The following CARMIL2 variants were observed in gnomAD, a reference collection of about 807,000 sequenced individuals.
The protein encoded by CARMIL2 is capping protein, Arp2/3 and myosin-I linker protein 2.
Under a neutral mutation model 173.3 loss-of-function variants are expected in CARMIL2, and 96 were observed. The observed-to-expected ratio is 0.55, with a 90% CI of 0.47 to 0.66. CARMIL2 has a LOEUF of 0.66. Among genes scored for constraint, CARMIL2 ranks in the 30% least tolerant of loss-of-function variants. CARMIL2 has a pLI of 0.00. For synonymous variants in CARMIL2, 830 were observed against 817.1 expected (o/e 1.02, Z -0.27); for missense variants, 1,771 against 1,906.7 (o/e 0.93, Z 1.33).
chr16:67,651,759 G>A lies in CARMIL2; in HGVS notation c.2502G>A (p.Glu834=). Residue 834 remains glutamate, a synonymous_variant, in exon 25 of 38, where the codon GAG becomes GAA. Coordinates refer to ENST00000334583, the MANE Select transcript of CARMIL2 (RefSeq NM_001013838.3). The surrounding 1 kb of genome is among the most constrained non-coding windows in gnomAD (Gnocchi z 4.2). ...PQMLQGSSWR[E]QLEGVLAGSR... ...TGCTGCAGGGATCCAGCTGGAGGGA[G>A]CAGCTAGAGGGGGTCCTGGCAGGCT... 1.2e-6 allele frequency: 2 copies of A among 1,606,362 alleles called. No homozygotes were observed. Among genetic ancestry groups the A allele is most frequent in the Middle Eastern group, 3.3e-4 (2 of 6,030 alleles).
At chr16:67,654,092 G>GGGA in intron 29 of CARMIL2, 57 bp from the exon 30 acceptor site, 1 of 1,091,944 alleles carries the variant, frequency 9.2e-7, no homozygotes, top group South Asian at 1.6e-5. Flanking sequence ...GGGGGGGGGG[G>GGGA]GGGTAGAAGC....
In CARMIL2 at chr16:67,656,532, A is replaced by G; in HGVS notation, c.3923A>G (p.Gln1308Arg). Residue 1308 changes from glutamine to arginine, a missense_variant, in exon 35 of 38, where the codon CAG (glutamine) becomes CGG (arginine). Physicochemically the swap from Gln to Arg is conservative, Grantham distance 43. This residue lies in a region of CARMIL2 where 817 missense variants were observed against 903.5 expected (regional missense o/e 0.90). Coordinates refer to ENST00000334583, the MANE Select transcript of CARMIL2 (RefSeq NM_001013838.3). ...AELRSRGWGQ[Q>R]DGPGPPSPGQ... The stretch of plus-strand genomic sequence containing the variant: ...CTCAGGAGCCGTGGTTGGGGCCAAC[A>G]GGATGGTCCAGGCCCTCCCTCCCCT... The G allele has an allele frequency of 6.2e-7, 1 of 1,613,540 alleles. No homozygotes were observed. Among genetic ancestry groups the G allele is most frequent in the East Asian group, 2.2e-5 (1 of 44,884 alleles).
rs2052605264 is a variant in CARMIL2 at position 67,646,943 on chromosome 16, G to C, written c.581G>C (p.Ser194Thr). Reference protein sequence around the residue: ...IYHRQGCRHFSLGDFSHLGSR... With the variant: ...IYHRQGCRHFTLGDFSHLGSR... ...CATCGCCAGGGCTGCCGCCATTTCA[G>C]CCTGGGAGACTTCAGCCACCTCGGC... is the stretch of plus-strand genomic sequence containing the variant. Residue 194 changes from serine to threonine, a missense_variant, in exon 8 of 38, where the codon AGC (serine) becomes ACC (threonine). Ser to Thr is a moderately conservative substitution (Grantham distance 58). Around this residue, in one of 3 missense-constraint regions of CARMIL2, gnomAD observed 944 missense variants for 975.6 expected, o/e 0.97. Transcript: ENST00000334583. This position sits in a 1 kb window ranked among gnomAD's most constrained non-coding sequence, Gnocchi z 4.6. 2 of 1,613,614 alleles carry C rather than the reference G, an allele frequency of 1.2e-6. No individual in the cohort carries two copies. The highest frequency in any genetic ancestry group is 1.3e-5 in the African/African-American group (1 of 74,954).
rs1330389345 is a variant in CARMIL2 at position 67,645,228 on chromosome 16, TC to T, written c.-15del. 3 of 1,573,712 alleles carry T rather than the reference TC, an allele frequency of 1.9e-6. No homozygotes were observed. Among genetic ancestry groups the T allele is most frequent in the Admixed American group, 3.6e-5 (2 of 55,082 alleles). ...GTTTCCCGCCGGAGCTCGTTGGGCC[TC>T]CCCGGCCCGCCCGGCCCATGGCCCA... On this transcript the variant is annotated 5_prime_UTR_variant, in exon 1 of 38. Transcript: ENST00000334583.
At position 67,648,703 on chromosome 16, in the gene CARMIL2, C is replaced by T. The variant is rs771671329; in HGVS notation, c.1458C>T (p.Leu486=). ...PDALRALLDG[L]ALNTHLRDLH... is the part of the protein sequence containing the mutation. ...CTCCCAGAGCCCTTTTGGATGGCCT[C>T]GCGCTCAACACGCACCTCCGCGACC... Residue 486 remains leucine (L), a synonymous_variant, in exon 16 of 38, where the codon CTC becomes CTT. Coordinates refer to ENST00000334583, the MANE Select transcript of CARMIL2 (RefSeq NM_001013838.3). This position sits in a 1 kb window ranked among gnomAD's most constrained non-coding sequence, Gnocchi z 6.1. The T allele has an allele frequency of 3.1e-6, 5 of 1,606,590 alleles. No individual in the cohort carries two copies. Among genetic ancestry groups the T allele is most frequent in the Non-Finnish European group, 2.5e-6 (3 of 1,176,984 alleles).
In CARMIL2 at chr16:67,647,672, C is replaced by T. The variant is rs754935364; in HGVS notation, c.872-8C>T. The T allele has an allele frequency of 3.8e-5, 61 of 1,600,004 alleles. No individual in the cohort carries two copies. Among genetic ancestry groups the T allele is most frequent in the African/African-American group, 8.0e-5 (6 of 74,638 alleles). ...GTGAGACCCACGTGGCTGTTCCCAC[C>T]CCCCAAGGCATGACTGCACTCAGCA... On this transcript the variant is annotated splice_region_variant and splice_polypyrimidine_tract_variant and intron_variant, in intron 11 of 37. Coordinates refer to ENST00000334583, the MANE Select transcript of CARMIL2 (RefSeq NM_001013838.3).
Position 67,647,863 on chromosome 16 carries a change from C to G in CARMIL2, c.976C>G (p.Arg326Gly), listed in dbSNP as rs1389381100. The G allele has an allele frequency of 1.9e-6, 3 of 1,609,774 alleles. No individual in the cohort carries two copies. The highest frequency in any genetic ancestry group is 4.5e-5 in the East Asian group (2 of 44,838). Residue 326 changes from arginine to glycine, a missense_variant, in exon 13 of 38, where the codon CGG becomes GGG. Arg to Gly is a moderately radical substitution (Grantham distance 125). Around this residue, in one of 3 missense-constraint regions of CARMIL2, gnomAD observed 944 missense variants for 975.6 expected, o/e 0.97. Coordinates refer to ENST00000334583, the MANE Select transcript of CARMIL2 (RefSeq NM_001013838.3). The stretch of plus-strand genomic sequence containing the variant: ...ACCACCAGGAATGAGGGCTCTGGGC[C>G]GGGCACTGGCCACCAATGCCGCCTT... Reference protein sequence around the residue: ...LTPRGMRALGRALATNAAFDS... With the variant: ...LTPRGMRALGGALATNAAFDS...
chr16:67,645,607 G>C lies in CARMIL2; in HGVS notation c.108G>C (p.Glu36Asp), dbSNP rs1241863699. Residue 36 changes from glutamate to aspartate, a missense_variant, in exon 2 of 38, where the codon GAG (glutamate) becomes GAC (aspartate). By Grantham distance (45) the Glu-to-Asp change is conservative. Coordinates refer to ENST00000334583, the MANE Select transcript of CARMIL2 (RefSeq NM_001013838.3). ...TGCTGAAAACCTGGCTACCCGGGGA[G>C]GGTGCTGTGCAAAACCATGTCCTGG... ...ELLLKTWLPG[E>D]GAVQNHVLAL... 3.1e-6 allele frequency: 5 copies of C among 1,613,460 alleles called. No individual in the cohort carries two copies. Among genetic ancestry groups the C allele is most frequent in the Non-Finnish European group, 4.2e-6 (5 of 1,179,838 alleles).
chr16:67,656,688 G>T, intron 35 of CARMIL2, 43 bp downstream of exon 35: 1 of 1,575,032 alleles, frequency 6.3e-7, no homozygotes, highest in Admixed American at 1.8e-5. Context: ...TGGCCTCGGG[G>T]CTGGAGGAGT....
chr16:67,655,714 T>C (rs908735454), intron 32 of CARMIL2, among the ~76,000 whole-genome samples: 1 of 152,188 alleles, frequency 6.6e-6, no homozygotes, highest in African/African-American at 2.4e-5. Flanking sequence ...GTGCCCATGG[T>C]TCTTCCCTGA....
Position 67,651,207 on chromosome 16 carries a change from GTCGGTGCAGGAGCATGTGGAGC to G in CARMIL2, c.2207_2228del (p.Ser736CysfsTer55). 1 of 1,613,386 alleles carries G rather than the reference GTCGGTGCAGGAGCATGTGGAGC, an allele frequency of 6.2e-7. No homozygotes were observed. Reference sequence around the variant, plus strand: ...CCCAGGAAGTGAATGAATTGTGTCAGTCGGTGCAGGAGCATGTGGAGCTGCTGGGCTGTGGGGCTGGGCCCCA... The same window carrying G: ...CCCAGGAAGTGAATGAATTGTGTCAGTGCTGGGCTGTGGGGCTGGGCCCCA... On this transcript the variant is annotated frameshift_variant, in exon 23 of 38. Transcript: ENST00000334583. LOFTEE classifies it high-confidence loss of function. This position sits in a 1 kb window ranked among gnomAD's most constrained non-coding sequence, Gnocchi z 4.2.
chr16:67,654,572 C>G lies in CARMIL2; in HGVS notation c.3462C>G (p.Asp1154Glu). Residue 1154 changes from aspartate (D) to glutamate (E), a missense_variant, in exon 31 of 38, where the codon GAC (aspartate) becomes GAG (glutamate). This residue lies in a region of CARMIL2 where 817 missense variants were observed against 903.5 expected (regional missense o/e 0.90). Transcript: ENST00000334583. ...RGEELGGAEG[D>E]TSSPDPAGRS... is the part of the protein sequence containing the mutation. The stretch of plus-strand genomic sequence containing the variant: ...AGGAGCTTGGTGGGGCTGAGGGGGA[C>G]ACCAGCAGCCCTGACCCTGCCGGCA... The G allele has an allele frequency of 6.2e-7, 1 of 1,611,156 alleles. No individual in the cohort carries two copies. The highest frequency in any genetic ancestry group is 8.5e-7 in the Non-Finnish European group (1 of 1,178,914).
At position 67,645,551 on chromosome 16, in the gene CARMIL2, AG is replaced by A; in HGVS notation, c.54del (p.Arg18SerfsTer12). ...CTGCCCTTCCACAGGCGAGATCACC[AG>A]GTTCCTGTGGCCCAAAGAGGTGGAG... ...ISCELRGEIT[R>X]FLWPKEVELL... On this transcript the variant is annotated frameshift_variant, in exon 2 of 38. Transcript: ENST00000334583. LOFTEE classifies it high-confidence loss of function. 1 of 1,605,482 alleles carries A rather than the reference AG, an allele frequency of 6.2e-7. No homozygotes were observed. Among genetic ancestry groups the A allele is most frequent in the Non-Finnish European group, 8.5e-7 (1 of 1,176,176 alleles).
Position 67,656,171 on chromosome 16 carries a change from T to C in CARMIL2, c.3743-57T>C, listed in dbSNP as rs185895699. 1.9e-6 allele frequency: 3 copies of C among 1,610,650 alleles called. No homozygotes were observed. In the East Asian group the frequency reaches 6.7e-5, roughly 36 times the overall value. On this transcript the variant is annotated intron_variant, in intron 33 of 37. Transcript: ENST00000334583. ...TTGGGGAGGAAGGGGAGAGGCCAGG[T>C]TTTTCTTCCCCTCACCTCCAAGGTC...
Position 67,652,970 on chromosome 16 carries a change from C to T in CARMIL2, c.2885-49C>T. 1 of 1,051,050 alleles carries T rather than the reference C, an allele frequency of 9.5e-7. No individual in the cohort carries two copies. Among genetic ancestry groups the T allele is most frequent in the Non-Finnish European group, 1.2e-6 (1 of 805,854 alleles). The allele number at this position is 1,051,050 out of a possible 1,614,324, so 65.1% of individuals were successfully genotyped here. ...CCCGCCGCCCTAGCGCCTCCGCCGC[C>T]ACCTCCCCGGGCTCGGCGCTCGGTG... On this transcript the variant is annotated intron_variant, in intron 28 of 37. Transcript: ENST00000334583. This position sits in a 1 kb window ranked among gnomAD's most constrained non-coding sequence, Gnocchi z 4.7.
Position 67,651,853 on chromosome 16 carries a change from G to A in CARMIL2, c.2588+8G>A, listed in dbSNP as rs1567632929. The stretch of plus-strand genomic sequence containing the variant: ...TGCCTTCACTAGGCTCAGGTAGGCT[G>A]GATGGGGCTGGGCTGGGCAAGGCTG... On this transcript the variant is annotated splice_region_variant and intron_variant, in intron 25 of 37. Coordinates refer to ENST00000334583, the MANE Select transcript of CARMIL2 (RefSeq NM_001013838.3). This position sits in a 1 kb window ranked among gnomAD's most constrained non-coding sequence, Gnocchi z 4.2. 1 of 1,612,672 alleles carries A rather than the reference G, an allele frequency of 6.2e-7. No individual in the cohort carries two copies. The highest frequency in any genetic ancestry group is 8.5e-7 in the Non-Finnish European group (1 of 1,179,598).
chr16:67,652,231 A>G lies in CARMIL2; in HGVS notation c.2709A>G (p.Thr903=), dbSNP rs1240716646. 2 of 1,613,056 alleles carry G rather than the reference A, an allele frequency of 1.2e-6. No individual in the cohort carries two copies. Among genetic ancestry groups the G allele is most frequent in the Non-Finnish European group, 1.7e-6 (2 of 1,179,816 alleles). ...VESLAQQATV[T]MPPALPAPDG... ...GTCTGGCTCAGCAGGCAACAGTGAC[A>G]ATGCCCCCTGCCCTACCAGCACCGG... Residue 903 remains threonine (T), a synonymous_variant, in exon 27 of 38, where the codon ACA becomes ACG. Coordinates refer to ENST00000334583, the MANE Select transcript of CARMIL2 (RefSeq NM_001013838.3). The surrounding 1 kb of genome is among the most constrained non-coding windows in gnomAD (Gnocchi z 4.7).
intron 1 of CARMIL2, 117 bp downstream of exon 1, chr16:67,645,403 G>A: frequency 2.2e-6 from 3 of 1,382,604 alleles, no homozygotes; most frequent in East Asian, 5.0e-5. Context: ...TCCCCAGGAG[G>A]GCAGGCGCCC....
intron 29 of CARMIL2, 64 bp from the exon 30 acceptor site, chr16:67,654,085 G>GT (rs991805075): frequency 6.2e-4 from 652 of 1,045,666 alleles, no homozygotes; most frequent in Middle Eastern, 1.6e-3. Flanking sequence ...CCGGCCGGGG[G>GT]GGGGGGGGGG....
Sources: allele counts gnomAD v4.1 joint callset (sites outside exome capture counted in the v4.1 genomes callset), GRCh38; gene constraint gnomAD v4.1.1; regional missense constraint gnomAD v4.1.1; non-coding constraint Gnocchi (gnomAD v3.1); transcripts MANE v1.5; gene names NCBI Gene and HGNC (gene_info 2026-07-23, HGNC 2026-07-21).